The following SEC23IP variants were observed in gnomAD, a reference collection of about 807,000 sequenced individuals.
The protein encoded by SEC23IP is SEC23-interacting protein.
Under a neutral mutation model 113.4 loss-of-function variants are expected in SEC23IP, and 70 were observed. The observed-to-expected ratio is 0.62, with a 90% CI of 0.51 to 0.75. SEC23IP has a LOEUF of 0.75. Ranked by LOEUF, SEC23IP falls within the 30% of genes least tolerant of loss-of-function variation. The probability of loss-of-function intolerance (pLI) is 0.00; values close to 1 mark genes in which losing one functional copy is unlikely to be tolerated. For missense variants in SEC23IP, 1,160 were observed against 1,204.9 expected (o/e 0.96, Z 0.55); for synonymous variants, 398 against 421.0 (o/e 0.95, Z 0.67).
intron 15 of SEC23IP, among the ~76,000 whole-genome samples, chr10:119,931,589 G>A (rs1224084721): frequency 1.4e-5 from 2 of 147,126 alleles, no homozygotes; most frequent in South Asian, 2.1e-4. Flanking sequence ...GTCTTGCTCT[G>A]TTGCCCAGGC....
In SEC23IP at chr10:119,904,266, G is replaced by C. The variant is rs1386331986; in HGVS notation, c.1090G>C (p.Glu364Gln). ...RFIPYTEEFS[E>Q]KLEAEYKKAV... ...TATTCCCTATACTGAGGAGTTCAGTGAAAAACTAGAGGTACGGGTGCTTTA... is the reference window on the plus strand; with the variant it reads ...TATTCCCTATACTGAGGAGTTCAGTCAAAAACTAGAGGTACGGGTGCTTTA... The change falls in exon 4 of 19, where the codon GAA becomes CAA. Residue 364 changes from glutamate to glutamine, a missense_variant. Transcript: ENST00000369075. The C allele has an allele frequency of 1.4e-5, 23 of 1,614,092 alleles. No homozygotes were observed. Among genetic ancestry groups the C allele is most frequent in the Non-Finnish European group, 1.9e-5 (23 of 1,179,948 alleles).
At chr10:119,910,592 G>A (rs765358217) in intron 5 of SEC23IP, among the ~76,000 whole-genome samples, 1 of 152,114 alleles carries the variant, frequency 6.6e-6, no homozygotes, top group Admixed American at 6.6e-5. Flanking sequence ...CCAACAAAAT[G>A]TAAACAGTTT....
Position 119,932,264 on chromosome 10 carries a change from T to C in SEC23IP, c.2704T>C (p.Leu902=), listed in dbSNP as rs183188798. 38 of 1,614,110 alleles carry C rather than the reference T, an allele frequency of 2.4e-5. 1 individual carries two copies. In the Admixed American group the frequency reaches 5.2e-4, roughly 22 times the overall value. The change falls in exon 16 of 19, where the codon TTG becomes CTG. Residue 902 remains leucine (L), a synonymous_variant. Transcript: ENST00000369075. ...HTSSTQLQEE[L]EKVANQIKEE... is the part of the protein sequence containing the mutation. ...GTCTTCAACCCAGTTGCAAGAAGAA[T>C]TGGAGAAGGTGGCCAATCAGATCAA... is the stretch of plus-strand genomic sequence containing the variant.
chr10:119,920,940 A>G lies in SEC23IP; in HGVS notation c.2077A>G (p.Arg693Gly). The part of the protein sequence containing the change: ...LKEMGIPLGP[R>G]KKIANFVEHK... Reference sequence around the variant, plus strand: ...GGAAATGGGGATACCCCTTGGACCCAGAAAGAAGATAGCTAACTTTGTAGA... The same window carrying G: ...GGAAATGGGGATACCCCTTGGACCCGGAAAGAAGATAGCTAACTTTGTAGA... The change falls in exon 12 of 19, where the codon AGA becomes GGA. Residue 693 changes from arginine to glycine, a missense_variant. Transcript: ENST00000369075. 2 of 1,613,936 alleles carry G rather than the reference A, an allele frequency of 1.2e-6. No homozygotes were observed. Among genetic ancestry groups the G allele is most frequent in the South Asian group, 2.2e-5 (2 of 91,076 alleles).
At chr10:119,923,112 A>G (rs528125506) in intron 12 of SEC23IP, among the ~76,000 whole-genome samples, 79 of 152,320 alleles carry the variant, frequency 5.2e-4, no homozygotes, top group African/African-American at 1.8e-3. Context: ...AGGATTCTAT[A>G]GTTCTTGAAG....
chr10:119,905,576 C>T (rs1007381677), intron 4 of SEC23IP, among the ~76,000 whole-genome samples: 3 of 152,036 alleles, frequency 2.0e-5, no homozygotes, highest in Non-Finnish European at 2.9e-5. Flanking sequence ...GTGAGAAAGC[C>T]GATAATAGAA....
At position 119,919,591 on chromosome 10, in the gene SEC23IP, T is replaced by A; in HGVS notation, c.2020T>A (p.Ser674Thr). The change falls in exon 11 of 19, where the codon TCC becomes ACC. Residue 674 changes from serine (S) to threonine (T), a missense_variant. Physicochemically the swap from Ser to Thr is moderately conservative, Grantham distance 58. Transcript: ENST00000369075. ...TFEKEKIDME[S>T]LLMCTVDDLK... ...TGAAAAGGAAAAGATTGATATGGAG[T>A]CCCTGGTACTGATCATAGTTTGCTT... The A allele has an allele frequency of 6.3e-7, 1 of 1,590,454 alleles. No homozygotes were observed. The highest frequency in any genetic ancestry group is 8.5e-7 in the Non-Finnish European group (1 of 1,173,048).
At chr10:119,904,323 T>A in intron 4 of SEC23IP, 46 bp downstream of exon 4, 1 of 1,530,240 alleles carries the variant, frequency 6.5e-7, no homozygotes, top group Non-Finnish European at 9.0e-7. Flanking sequence ...AAAATGTAGG[T>A]CCTATATACA....
intron 2 of SEC23IP, among the ~76,000 whole-genome samples, chr10:119,902,226 C>A (rs1284776126): frequency 6.6e-6 from 1 of 152,090 alleles, no homozygotes; most frequent in African/African-American, 2.4e-5. Context: ...TGTGGTGGCG[C>A]ATGCCTGTAA....
At chr10:119,917,055 G>A (rs1019864080) in intron 8 of SEC23IP, among the ~76,000 whole-genome samples, 2 of 152,098 alleles carry the variant, frequency 1.3e-5, no homozygotes, top group Admixed American at 6.5e-5. Context: ...TTTCTGTAGA[G>A]ATGGGGTCTC....
rs918871531 is a variant in SEC23IP at position 119,916,137 on chromosome 10, C to A, written c.1544+248C>A. Among the ~76,000 whole-genome samples, 5 of 152,136 alleles carry A rather than the reference C, an allele frequency of 3.3e-5. No individual in the cohort carries two copies. In the East Asian group the frequency reaches 5.8e-4, roughly 18 times the overall value. On this transcript the variant is annotated intron_variant, in intron 8 of 18. Transcript: ENST00000369075. ...GCTGGTTTTAAAATACAATTTTAAT[C>A]TGTAGCAGTTTAGACAGGGGGCTGT...
At chr10:119,906,193 G>A (rs1854656850) in intron 4 of SEC23IP, among the ~76,000 whole-genome samples, 1 of 151,116 alleles carries the variant, frequency 6.6e-6, no homozygotes, top group Non-Finnish European at 1.5e-5. Context: ...GAGGCAGTAG[G>A]ATTGCTTGAG....
At chr10:119,919,096 C>T (rs112761321) in intron 10 of SEC23IP, among the ~76,000 whole-genome samples, 110 of 151,000 alleles carry the variant, frequency 7.3e-4, no homozygotes, top group African/African-American at 2.6e-3. Context: ...CGGTTTCAAG[C>T]GATTCTCCTG....
Position 119,919,597 on chromosome 10 carries a change from G to C in SEC23IP, c.2025+1G>C. The C allele has an allele frequency of 6.3e-7, 1 of 1,582,880 alleles. No individual in the cohort carries two copies. The stretch of plus-strand genomic sequence containing the variant: ...GGAAAAGATTGATATGGAGTCCCTG[G>C]TACTGATCATAGTTTGCTTCATTTT... On this transcript the variant is annotated splice_donor_variant, in intron 11 of 18. Transcript: ENST00000369075. LOFTEE classifies it high-confidence loss of function.
At position 119,932,151 on chromosome 10, in the gene SEC23IP, C is replaced by G; in HGVS notation, c.2591C>G (p.Ser864Cys). 1 of 1,610,008 alleles carries G rather than the reference C, an allele frequency of 6.2e-7. No individual in the cohort carries two copies. The highest frequency in any genetic ancestry group is 8.5e-7 in the Non-Finnish European group (1 of 1,176,362). The change falls in exon 16 of 19, where the codon TCT (serine) becomes TGT (cysteine). Residue 864 changes from serine (S) to cysteine (C), a missense_variant. By Grantham distance (112) the Ser-to-Cys change is moderately radical (BLOSUM62 -1). Transcript: ENST00000369075. ...RLHLELKESL[S>C]RMGSDLKQGF... is the part of the protein sequence containing the mutation. ...TCTTTAGAATTGAAAGAGAGTCTCTCTCGTATGGGATCTGATTTGAAGCAG... is the reference window on the plus strand; with the variant it reads ...TCTTTAGAATTGAAAGAGAGTCTCTGTCGTATGGGATCTGATTTGAAGCAG...
chr10:119,913,552 G>A (rs930768386), intron 6 of SEC23IP, among the ~76,000 whole-genome samples: 2 of 48 alleles, frequency 0.042, no homozygotes, highest in East Asian at 0.5. Flanking sequence ...GTGCAGTGGC[G>A]TGATCTGGGG....
chr10:119,931,464 T>C (rs1460294820), intron 15 of SEC23IP, among the ~76,000 whole-genome samples: 1 of 151,366 alleles, frequency 6.6e-6, no homozygotes, highest in African/African-American at 2.4e-5. Context: ...CCTCCCAAAG[T>C]TTTGGGATTA....
chr10:119,937,168 C>T (rs773046063), intron 18 of SEC23IP, among the ~76,000 whole-genome samples: 64 of 151,596 alleles, frequency 4.2e-4, no homozygotes, highest in Non-Finnish European at 8.1e-4. Flanking sequence ...AGCCACCGTG[C>T]CCGGCCAGGG....
chr10:119,903,951 C>A, intron 3 of SEC23IP, 133 bp from the exon 4 acceptor site: 2 of 851,898 alleles, frequency 2.3e-6, no homozygotes, highest in Non-Finnish European at 3.6e-6. Context: ...AACTCCTGAC[C>A]GCAAGTGATC....
Sources: allele counts gnomAD v4.1 joint callset (sites outside exome capture counted in the v4.1 genomes callset), GRCh38; gene constraint gnomAD v4.1.1; transcripts MANE v1.5; gene names NCBI Gene and HGNC (gene_info 2026-07-23, HGNC 2026-07-21).